The following LDB3 variants were observed in gnomAD, a reference collection of about 807,000 sequenced individuals.
LDB3 encodes the protein LIM domain-binding protein 3.
LDB3 carries 49 observed loss-of-function variants against 69.0 expected under a neutral mutation model. The observed-to-expected ratio is 0.71, with a 90% CI of 0.56 to 0.90. The LOEUF (loss-of-function observed/expected upper bound fraction) is 0.90. Ranked by LOEUF, LDB3 falls within the 40% of genes least tolerant of loss-of-function variation. The pLI, the probability that LDB3 is intolerant of heterozygous loss-of-function variation, is 0.00. For missense variants in LDB3, 928 were observed against 974.1 expected, an observed-to-expected ratio of 0.95 and a Z score of 0.63; for synonymous variants, 387 against 396.2, an observed-to-expected ratio of 0.98 and a Z score of 0.28.
chr10:86,686,394 T>C (rs1845469264), intron 5 of LDB3, among the ~76,000 whole-genome samples: 1 of 149,696 alleles, frequency 6.7e-6, no homozygotes, highest in Admixed American at 6.7e-5. Flanking sequence ...CCCAGCCCCA[T>C]GCCTGCGCTT....
rs199602161 is a variant in LDB3, at chr10:86,726,090, C to A, written c.1979-47C>A. The A allele has an allele frequency of 5.6e-6, 8 of 1,432,964 alleles. No individual in the cohort carries two copies. In the African/African-American group the frequency reaches 9.8e-5, roughly 18 times the overall value. 88.8% of individuals were successfully genotyped at this position (1,432,964 alleles called of 1,614,324 possible). A position where few individuals can be genotyped will look rare whatever the true frequency, so the allele number is the denominator to read the frequency against. On this transcript the variant is annotated intron_variant, in intron 12 of 13. Coordinates refer to ENST00000361373, the MANE Select transcript of LDB3 (RefSeq NM_007078.3). ...GGGGTTTGTCTTGGCTTTGGGTCCC[C>A]GCTGCCCCCACTGGGTGCGGGGTCT...
rs200458194 is a variant in LDB3 at position 86,687,070 on chromosome 10, G to A, written c.690-4826G>A. 109 of 1,613,760 alleles carry A rather than the reference G, an allele frequency of 6.8e-5. No homozygotes were observed. Among genetic ancestry groups the A allele is most frequent in the South Asian group, 3.5e-4 (32 of 91,062 alleles). On this transcript the variant is annotated intron_variant, in intron 5 of 13. Transcript: ENST00000361373. ...CGTACTCCCGCACCCCTCCCCCAGC[G>A]CCGACTACCAGGAACGCTTCAACCC...
At chr10:86,710,164 C>T in intron 9 of LDB3, 114 bp downstream of exon 9, 1 of 1,539,434 alleles carries the variant, frequency 6.5e-7, no homozygotes, top group South Asian at 1.2e-5. Flanking sequence ...GAAGCAAGGC[C>T]TTGCTAATGA....
intron 7 of LDB3, among the ~76,000 whole-genome samples, chr10:86,696,724 T>C (rs1320482730): frequency 3.3e-5 from 5 of 152,170 alleles, no homozygotes; most frequent in African/African-American, 9.7e-5. Flanking sequence ...GGACTGTTTG[T>C]AGTGCTGTCA....
At position 86,717,984 on chromosome 10, in the gene LDB3, T is replaced by G. The variant is rs566463138; in HGVS notation, c.1697T>G (p.Met566Arg). 67 of 1,614,170 alleles carry G rather than the reference T, an allele frequency of 4.2e-5. 1 individual carries two copies. In the East Asian group the frequency reaches 1.2e-3, roughly 30 times the overall value. The change falls in exon 11 of 14, where the codon ATG becomes AGG. Residue 566 changes from methionine to arginine, a missense_variant. Physicochemically the swap from Met to Arg is moderately conservative, Grantham distance 91. Transcript: ENST00000361373. Reference protein sequence around the residue: ...NVIRGPFLVAMGRSWHPEEFT... With the variant: ...NVIRGPFLVARGRSWHPEEFT... ...CCCAGGGGCCCATTTCTGGTAGCCA[T>G]GGGCCGTTCTTGGCACCCTGAAGAG...
chr10:86,700,518 C>T (rs1846218734), intron 7 of LDB3, among the ~76,000 whole-genome samples: 1 of 152,172 alleles, frequency 6.6e-6, no homozygotes, highest in Non-Finnish European at 1.5e-5. Flanking sequence ...CACAAGGGAA[C>T]TCAGGGGGCC....
chr10:86,704,336 A>G (rs1209169898), intron 7 of LDB3, among the ~76,000 whole-genome samples: 2 of 152,066 alleles, frequency 1.3e-5, no homozygotes, highest in Non-Finnish European at 2.9e-5. Context: ...TCTGGACCTC[A>G]GATTTCTCAT....
rs1358819426 is a variant in LDB3 at position 86,735,335 on chromosome 10, CTG to C, written c.*2362_*2363del. On this transcript the variant is annotated 3_prime_UTR_variant, in exon 14 of 14. Coordinates refer to ENST00000361373, the MANE Select transcript of LDB3 (RefSeq NM_007078.3). ...GTTTTGAGTGTGGTTCACTCAGTGT[CTG>C]TGAGTCTGGTGTAGTGTCAGGAGTA... 1 of 151,870 alleles carries C rather than the reference CTG, an allele frequency of 6.6e-6. No individual in the cohort carries two copies. Among genetic ancestry groups the C allele is most frequent in the Admixed American group, 6.6e-5 (1 of 15,252 alleles). 9.4% of individuals were successfully genotyped at this position (151,870 alleles called of 1,614,324 possible). A position where few individuals can be genotyped will look rare whatever the true frequency, so the allele number is the denominator to read the frequency against.
rs1442836813 is a variant in LDB3, at chr10:86,681,525, G to A, written c.411G>A (p.Glu137=). 1.9e-6 allele frequency: 3 copies of A among 1,612,364 alleles called. No homozygotes were observed. Residue 137 remains glutamate (E), a synonymous_variant, in exon 5 of 14, where the codon GAG becomes GAA. Coordinates refer to ENST00000361373, the MANE Select transcript of LDB3 (RefSeq NM_007078.3). ...RASPGTPGTP[E]LRPTFSPAFS... is the part of the protein sequence containing the mutation. The stretch of plus-strand genomic sequence containing the variant: ...GCCCAGGCACCCCAGGCACCCCGGA[G>A]CTCAGGCCCACCTTTAGCCCTGCCT...
chr10:86,695,985 T>C (rs1341903170), intron 7 of LDB3, among the ~76,000 whole-genome samples: 5 of 152,234 alleles, frequency 3.3e-5, no homozygotes, highest in Non-Finnish European at 7.3e-5. Flanking sequence ...TTTCCAAGCG[T>C]TAGGAACAAA....
chr10:86,706,588 C>A lies in LDB3; in HGVS notation c.954C>A (p.Pro318=). 2 of 1,613,196 alleles carry A rather than the reference C, an allele frequency of 1.2e-6. No homozygotes were observed. Among genetic ancestry groups the A allele is most frequent in the Non-Finnish European group, 1.7e-6 (2 of 1,179,968 alleles). The change falls in exon 8 of 14, where the codon CCC becomes CCA. Residue 318 remains proline, a synonymous_variant. Transcript: ENST00000361373. The part of the protein sequence containing the change: ...CTSQATTPLL[P]ASAQPPAAAS... ...GCCAGGCCACCACCCCGCTGCTGCC[C>A]GCTTCTGCCCAGCCACCTGCTGCTG...
intron 12 of LDB3, among the ~76,000 whole-genome samples, chr10:86,725,490 A>C (rs903640651): frequency 5.9e-5 from 9 of 152,226 alleles, no homozygotes; most frequent in Non-Finnish European, 1.3e-4. Flanking sequence ...CTGGGAGTGC[A>C]AAGAAAGCTA....
chr10:86,718,778 G>A lies in LDB3; in HGVS notation c.1909G>A (p.Ala637Thr). 6.2e-7 allele frequency: 1 copy of A among 1,614,154 alleles called. No individual in the cohort carries two copies. The highest frequency in any genetic ancestry group is 8.5e-7 in the Non-Finnish European group (1 of 1,180,036). Residue 637 changes from alanine (A) to threonine (T), a missense_variant, in exon 12 of 14, where the codon GCG (alanine) becomes ACG (threonine). Transcript: ENST00000361373. ...ATGGCACACCACCTGCTTCGTCTGT[G>A]CGGCCTGCAAGAAGCCTTTTGGGAA... is the stretch of plus-strand genomic sequence containing the variant. ...QTWHTTCFVC[A>T]ACKKPFGNSL...
upstream of LDB3, chr10:86,668,440 T>C: frequency 1.8e-6 from 1 of 570,360 alleles, no homozygotes; most frequent in African/African-American, 1.9e-5. Context: ...GCAGGCACAG[T>C]GTAGGGTTAC....
In LDB3 at chr10:86,681,741, G is replaced by A; in HGVS notation, c.627G>A (p.Glu209=). 1.9e-6 allele frequency: 3 copies of A among 1,605,980 alleles called. No homozygotes were observed. Among genetic ancestry groups the A allele is most frequent in the Non-Finnish European group, 2.6e-6 (3 of 1,175,726 alleles). ...TGTACTCGGCAGAGACCCTGAGGGA[G>A]ATGGCTCAGATGTACCAGATGAGCC... ...IGLYSAETLR[E]MAQMYQMSLR... The change falls in exon 5 of 14, where the codon GAG becomes GAA. Residue 209 remains glutamate, a synonymous_variant. Coordinates refer to ENST00000361373, the MANE Select transcript of LDB3 (RefSeq NM_007078.3).
chr10:86,678,783 C>T (rs1844946851), intron 2 of LDB3, among the ~76,000 whole-genome samples: 1 of 152,136 alleles, frequency 6.6e-6, no homozygotes, highest in Non-Finnish European at 1.5e-5. Context: ...GAACTACAGC[C>T]ATGCACCACC....
chr10:86,685,606 C>A, intron 5 of LDB3: 1 of 1,500,384 alleles, frequency 6.7e-7, no homozygotes, highest in Non-Finnish European at 9.3e-7. Flanking sequence ...TGATGATGGC[C>A]CCGGCGCTCA....
At chr10:86,692,397 G>A in intron 6 of LDB3, 138 bp from the exon 7 acceptor site, 3 of 907,016 alleles carry the variant, frequency 3.3e-6, no homozygotes, top group Non-Finnish European at 5.5e-6. Flanking sequence ...CCTCTGCCCA[G>A]CACACAGTGG....
chr10:86,731,936 T>C (rs977569729), intron 13 of LDB3, among the ~76,000 whole-genome samples: 1 of 151,938 alleles, frequency 6.6e-6, no homozygotes, highest in Non-Finnish European at 1.5e-5. Context: ...TAGATTAATA[T>C]GTGTCTAGTG....
Sources: gnomAD v4.1 joint callset for allele counts (sites outside exome capture counted in the v4.1 genomes callset) on GRCh38, gnomAD v4.1.1 for gene constraint, MANE v1.5 for transcripts, NCBI Gene and HGNC (gene_info 2026-07-23, HGNC 2026-07-21) for gene names.